CRISPLD2: variants seen among roughly 807,000 people sequenced by gnomAD.
CRISPLD2 encodes the protein cysteine rich secretory protein LCCL domain containing 2, also known as cysteine-rich secretory protein LCCL domain-containing 2.
CRISPLD2 carries 47 observed loss-of-function variants against 71.1 expected under a neutral mutation model. The ratio of observed to expected loss-of-function variants is 0.66; its 90% confidence interval spans 0.52 to 0.84. The LOEUF is 0.84. Ranked by LOEUF, CRISPLD2 falls within the 40% of genes least tolerant of loss-of-function variation. The probability of loss-of-function intolerance (pLI) is 0.00; values close to 1 mark genes in which losing one functional copy is unlikely to be tolerated. For missense variants in CRISPLD2, 830 were observed against 651.1 expected, an observed-to-expected ratio of 1.27 and a Z score of -2.99; for synonymous variants, 317 against 250.1, an observed-to-expected ratio of 1.27 and a Z score of -2.52.
intron 6 of CRISPLD2, among the ~76,000 whole-genome samples, chr16:84,855,725 C>T (rs1597460921): frequency 6.6e-6 from 1 of 152,190 alleles, no homozygotes; most frequent in African/African-American, 2.4e-5. Context: ...TGAACCCATA[C>T]ACATCTCCTG....
rs764630306 is a variant in CRISPLD2 at position 84,862,672 on chromosome 16, C to CTTT, written c.710-4205_710-4203dup. ...GCTGACCATGCTCGTGTGGCCCAGG[C>CTTT]TTTTTTTTTTTTTTTTTTTTTTAAC... is the stretch of plus-strand genomic sequence containing the variant. On this transcript the variant is annotated intron_variant, in intron 6 of 14. Transcript: ENST00000262424. Among the ~76,000 whole-genome samples the CTTT allele has an allele frequency of 7.9e-3, 782 of 99,112 alleles. 32 individuals are homozygous for CTTT. Among genetic ancestry groups the CTTT allele is most frequent in the African/African-American group, 0.016 (387 of 23,604 alleles). 65.0% of individuals were successfully genotyped at this position (99,112 alleles called of 152,430 possible).
Position 84,877,518 on chromosome 16 carries a change from G to A in CRISPLD2, c.1229+8G>A, listed in dbSNP as rs1480911447. 3.0e-5 allele frequency: 48 copies of A among 1,613,268 alleles called. No homozygotes were observed. The highest frequency in any genetic ancestry group is 1.6e-4 in the Middle Eastern group (1 of 6,078). On this transcript the variant is annotated splice_region_variant and intron_variant, in intron 12 of 14. Transcript: ENST00000262424. ...AGCAACTCACTGCCCAAGGTAAGGC[G>A]GGCCTGATCTGTCATCTTTTCTATG...
At position 84,906,881 on chromosome 16, in the gene CRISPLD2, TC is replaced by T; in HGVS notation, c.*241del. ...CTGATCCTGCTGGGGCCTGGGGGTC[TC>T]CATCTGGACGTCCTCTCTCCTTTAG... On this transcript the variant is annotated 3_prime_UTR_variant, in exon 15 of 15. Coordinates refer to ENST00000262424, the MANE Select transcript of CRISPLD2 (RefSeq NM_031476.4). The T allele has an allele frequency of 3.4e-6, 2 of 588,368 alleles. No homozygotes were observed. The highest frequency in any genetic ancestry group is 6.1e-6 in the Non-Finnish European group (2 of 329,682). The allele number at this position is 588,368 out of a possible 1,614,324, so 36.4% of individuals were successfully genotyped here. A position where few individuals can be genotyped will look rare whatever the true frequency, so the allele number is the denominator to read the frequency against.
intron 5 of CRISPLD2, among the ~76,000 whole-genome samples, chr16:84,851,481 T>C (rs1309350745): frequency 1.3e-5 from 2 of 152,248 alleles, no homozygotes; most frequent in African/African-American, 4.8e-5. Flanking sequence ...GCTCAGTGAC[T>C]GAATGAAATG....
rs1300817882 is a variant in CRISPLD2 at position 84,909,508 on chromosome 16, A to G, written c.*2866A>G. On this transcript the variant is annotated 3_prime_UTR_variant, in exon 15 of 15. Transcript: ENST00000262424. ...TTTGTGAAATAAAACATTGAAAACCATCTTTCAGGCTCTGGACTGTTTTGT... is the reference window on the plus strand; with the variant it reads ...TTTGTGAAATAAAACATTGAAAACCGTCTTTCAGGCTCTGGACTGTTTTGT... 10 of 152,634 alleles carry G rather than the reference A, an allele frequency of 6.6e-5. No individual in the cohort carries two copies. Among genetic ancestry groups the G allele is most frequent in the Non-Finnish European group, 1.5e-4 (10 of 68,050 alleles). The allele number at this position is 152,634 out of a possible 1,614,324, so 9.5% of individuals were successfully genotyped here. A position where few individuals can be genotyped will look rare whatever the true frequency, so the allele number is the denominator to read the frequency against.
chr16:84,833,102 T>G (rs1445912255), intron 1 of CRISPLD2, among the ~76,000 whole-genome samples: 1 of 152,236 alleles, frequency 6.6e-6, no homozygotes, highest in Non-Finnish European at 1.5e-5. Context: ...GCCAGTCTCC[T>G]GGACTCAGTT....
intron 2 of CRISPLD2, among the ~76,000 whole-genome samples, 158 bp from the exon 3 acceptor site, chr16:84,845,628 G>C (rs1175464146): frequency 6.6e-6 from 1 of 152,260 alleles, no homozygotes; most frequent in Non-Finnish European, 1.5e-5. Flanking sequence ...CGTCTGGCCT[G>C]CCACGCCCCC....
Position 84,838,555 on chromosome 16 carries a change from C to A in CRISPLD2, c.60C>A (p.Ser20=). 1 of 1,614,208 alleles carries A rather than the reference C, an allele frequency of 6.2e-7. No homozygotes were observed. The highest frequency in any genetic ancestry group is 8.5e-7 in the Non-Finnish European group (1 of 1,180,038). ...GGCTGCTGTTCCTGGTCTGCGGATC[C>A]CAAGGCTACCTCCTGCCCAACGTCA... The part of the protein sequence containing the change: ...PLGLLFLVCG[S]QGYLLPNVTL... The change falls in exon 2 of 15, where the codon TCC becomes TCA. Residue 20 remains serine (S), a synonymous_variant. Transcript: ENST00000262424.
intron 13 of CRISPLD2, among the ~76,000 whole-genome samples, chr16:84,885,422 G>T (rs934577300): frequency 4.6e-5 from 7 of 152,206 alleles, no homozygotes; most frequent in Non-Finnish European, 8.8e-5. Flanking sequence ...TCCAAAGGGG[G>T]AAAATGCGTC....
intron 6 of CRISPLD2, chr16:84,862,994 T>C (rs1917429801): frequency 6.6e-6 from 1 of 152,200 alleles, no homozygotes; most frequent in Non-Finnish European, 1.5e-5. Context: ...CTGGGTCATG[T>C]ATCACCTGTT....
chr16:84,851,408 T>C (rs1299919526), intron 5 of CRISPLD2, among the ~76,000 whole-genome samples: 1 of 152,242 alleles, frequency 6.6e-6, no homozygotes. Context: ...GTTTGCATGC[T>C]GGCCGCTGGC....
chr16:84,893,781 C>T (rs915922450), intron 14 of CRISPLD2, among the ~76,000 whole-genome samples: 1 of 152,208 alleles, frequency 6.6e-6, no homozygotes, highest in Admixed American at 6.5e-5. Flanking sequence ...GGTGGGATCT[C>T]AGCCACCATC....
chr16:84,903,864 G>T (rs1301271239), intron 14 of CRISPLD2, among the ~76,000 whole-genome samples: 1 of 152,174 alleles, frequency 6.6e-6, no homozygotes, highest in Non-Finnish European at 1.5e-5. Context: ...AAGAACAGAG[G>T]GATCTGTGGT....
Position 84,906,588 on chromosome 16 carries a change from C to A in CRISPLD2, c.1440C>A (p.Ser480Arg). The change falls in exon 15 of 15, where the codon AGC (serine) becomes AGA (arginine). Residue 480 changes from serine (S) to arginine (R), a missense_variant and splice_region_variant. Coordinates refer to ENST00000262424, the MANE Select transcript of CRISPLD2 (RefSeq NM_031476.4). Reference sequence around the variant, plus strand: ...GGGCCCTCTTTCTTCTTTTTTTCAGCCTGGGGACTCCTCGGGATGGAAAGG... The same window carrying A: ...GGGCCCTCTTTCTTCTTTTTTTCAGACTGGGGACTCCTCGGGATGGAAAGG... ...GSLRNGVQSE[S>R]LGTPRDGKAF... 1 of 1,612,784 alleles carries A rather than the reference C, an allele frequency of 6.2e-7. No individual in the cohort carries two copies. Among genetic ancestry groups the A allele is most frequent in the Non-Finnish European group, 8.5e-7 (1 of 1,180,004 alleles).
At chr16:84,842,713 G>C (rs987294989) in intron 2 of CRISPLD2, among the ~76,000 whole-genome samples, 1 of 152,138 alleles carries the variant, frequency 6.6e-6, no homozygotes, top group African/African-American at 2.4e-5. Context: ...GAGAGCAGAG[G>C]GGGCTTGTTG....
intron 1 of CRISPLD2, among the ~76,000 whole-genome samples, chr16:84,828,098 C>G (rs1237901105): frequency 6.6e-6 from 1 of 152,186 alleles, no homozygotes; most frequent in Admixed American, 6.5e-5. Flanking sequence ...GGGATTTTCA[C>G]CTGCAGAGTG....
At position 84,835,878 on chromosome 16, in the gene CRISPLD2, C is replaced by T. The variant is rs74033553; in HGVS notation, c.-74-2544C>T. Among the ~76,000 whole-genome samples, 517 of 152,326 alleles carry T rather than the reference C, an allele frequency of 3.4e-3. 3 individuals are homozygous for T. Among genetic ancestry groups the T allele is most frequent in the African/African-American group, 0.012 (502 of 41,568 alleles). ...ACGTGCCAGAGGACTCATTTAAAAACAGCATTTGACTCCTCCTGTTTTCTC... is the reference window on the plus strand; with the variant it reads ...ACGTGCCAGAGGACTCATTTAAAAATAGCATTTGACTCCTCCTGTTTTCTC... On this transcript the variant is annotated intron_variant, in intron 1 of 14. Coordinates refer to ENST00000262424, the MANE Select transcript of CRISPLD2 (RefSeq NM_031476.4).
chr16:84,832,251 C>T (rs1916506732), intron 1 of CRISPLD2, among the ~76,000 whole-genome samples: 1 of 152,222 alleles, frequency 6.6e-6, no homozygotes, highest in Non-Finnish European at 1.5e-5. Context: ...TCCTCACAGC[C>T]GTAGGGCCTG....
chr16:84,889,420 G>C (rs1313176863), intron 14 of CRISPLD2, 57 bp downstream of exon 14: 2 of 1,558,646 alleles, frequency 1.3e-6, no homozygotes, highest in Non-Finnish European at 1.7e-6. Flanking sequence ...TGGTCCCTCA[G>C]GGGGCCTGGG....
Sources: allele counts gnomAD v4.1 joint callset (sites outside exome capture counted in the v4.1 genomes callset), GRCh38; gene constraint gnomAD v4.1.1; transcripts MANE v1.5; gene names NCBI Gene and HGNC (gene_info 2026-07-23, HGNC 2026-07-21).